Variants in RELL2 observed in about 807,000 individuals in gnomAD.
The protein encoded by RELL2 is RELT-like protein 2.
RELL2 carries 18 observed loss-of-function variants against 27.5 expected under a neutral mutation model. That is an observed-to-expected ratio of 0.65 (90% CI 0.45 to 0.97). The LOEUF (loss-of-function observed/expected upper bound fraction) is 0.97. Ranked by LOEUF, RELL2 falls within the 50% of genes least tolerant of loss-of-function variation. The pLI is 0.00. For synonymous variants in RELL2, 156 were observed against 147.5 expected (o/e 1.06, Z -0.42); for missense variants, 370 against 397.5 (o/e 0.93, Z 0.59).
In RELL2 at chr5:141,639,221, C is replaced by G. The variant is rs1227288746; in HGVS notation, c.317+200C>G. The G allele has an allele frequency of 1.1e-5, 7 of 617,794 alleles. No individual in the cohort carries two copies. Among genetic ancestry groups the G allele is most frequent in the Non-Finnish European group, 2.0e-5 (7 of 353,592 alleles). The allele number at this position is 617,794 out of a possible 1,614,324, so 38.3% of individuals were successfully genotyped here. A position where few individuals can be genotyped will look rare whatever the true frequency, so the allele number is the denominator to read the frequency against. ...CTCATCTAGATATCATCAAGCCTAA[C>G]ATTCACCTCTAGTGCCACTCCTTTG... is the stretch of plus-strand genomic sequence containing the variant. On this transcript the variant is annotated intron_variant, in intron 3 of 6. Coordinates refer to ENST00000297164, the MANE Select transcript of RELL2 (RefSeq NM_173828.5). The surrounding 1 kb of genome is among the most constrained non-coding windows in gnomAD (Gnocchi z 4.4).
In RELL2 at chr5:141,640,921, G is replaced by A; in HGVS notation, c.*252G>A. 2 of 534,080 alleles carry A rather than the reference G, an allele frequency of 3.7e-6. No individual in the cohort carries two copies. The highest frequency in any genetic ancestry group is 6.6e-6 in the Non-Finnish European group (2 of 302,702). 33.1% of individuals were successfully genotyped at this position (534,080 alleles called of 1,614,324 possible). On this transcript the variant is annotated 3_prime_UTR_variant, in exon 7 of 7. Coordinates refer to ENST00000297164, the MANE Select transcript of RELL2 (RefSeq NM_173828.5). ...ACCTCGCTCCATATGATAGAGCGTG[G>A]CAGCTGGGAGCAGGCCCCTGCCCGT...
In RELL2 at chr5:141,639,497, C is replaced by T; in HGVS notation, c.351C>T (p.Ala117=). The T allele has an allele frequency of 6.2e-7, 1 of 1,613,876 alleles. No individual in the cohort carries two copies. The change falls in exon 4 of 7, where the codon GCC becomes GCT. Residue 117 remains alanine, a synonymous_variant. Coordinates refer to ENST00000297164, the MANE Select transcript of RELL2 (RefSeq NM_173828.5). This position sits in a 1 kb window ranked among gnomAD's most constrained non-coding sequence, Gnocchi z 4.4. ...CCACCTCCAGCCTGCAGGACGGAGC[C>T]CCCTCCCATCATCACACAGTGCACC... ...VDATSSLQDG[A]PSHHHTVHLG...
In RELL2 at chr5:141,638,360, C is replaced by A; in HGVS notation, c.135C>A (p.Arg45=). The A allele has an allele frequency of 6.2e-7, 1 of 1,613,832 alleles. No individual in the cohort carries two copies. The highest frequency in any genetic ancestry group is 8.5e-7 in the Non-Finnish European group (1 of 1,179,998). The stretch of plus-strand genomic sequence containing the variant: ...ACGTGCTCAAGAAGAAGGGCTACCG[C>A]TGCCGCACGTCGAGGGGCTCTGAGC... The part of the protein sequence containing the change: ...ICHVLKKKGY[R]CRTSRGSEPD... Residue 45 remains arginine, a synonymous_variant, in exon 1 of 7, where the codon CGC becomes CGA. Transcript: ENST00000297164.
rs1184944876 is a variant in RELL2, at chr5:141,637,670, G to GGCCCTGAGCCGCACTAGGAC, written c.-551_-532dup. On this transcript the variant is annotated 5_prime_UTR_variant, in exon 1 of 7. It introduces an in-frame stop codon into an upstream open reading frame of the 5' UTR. Transcript: ENST00000297164. ...GGATGAGCGCCGGAAGGGCGTCGGG[G>GGCCCTGAGCCGCACTAGGAC]GCCCTGAGCCGCACTAGGACGCCCC... 1 of 152,904 alleles carries GGCCCTGAGCCGCACTAGGAC rather than the reference G, an allele frequency of 6.5e-6. No individual in the cohort carries two copies. The highest frequency in any genetic ancestry group is 1.5e-5 in the Non-Finnish European group (1 of 68,254). The allele number at this position is 152,904 out of a possible 1,614,324, so 9.5% of individuals were successfully genotyped here.
In RELL2 at chr5:141,639,878, C is replaced by CT. The variant is rs2099906633; in HGVS notation, c.504-41dup. The CT allele has an allele frequency of 2.5e-6, 4 of 1,606,476 alleles. No individual in the cohort carries two copies. In the East Asian group the frequency reaches 8.9e-5, roughly 36 times the overall value. Reference sequence around the variant, plus strand: ...GTCAGAGGGGAGGGCCAAGCAGCCTCTGAGTTGTGGTCCTAAACCCCAGTG... The same window carrying CT: ...GTCAGAGGGGAGGGCCAAGCAGCCTCTTGAGTTGTGGTCCTAAACCCCAGTG... On this transcript the variant is annotated intron_variant, in intron 4 of 6. Transcript: ENST00000297164. The surrounding 1 kb of genome is among the most constrained non-coding windows in gnomAD (Gnocchi z 4.4).
chr5:141,639,136 T>C lies in RELL2; in HGVS notation c.317+115T>C, dbSNP rs988556329. 3.5e-6 allele frequency: 3 copies of C among 867,230 alleles called. No individual in the cohort carries two copies. Among genetic ancestry groups the C allele is most frequent in the Non-Finnish European group, 5.3e-6 (3 of 563,938 alleles). The allele number at this position is 867,230 out of a possible 1,614,324, so 53.7% of individuals were successfully genotyped here. ...TATGGGGTTGGGGGAAGGGCAAAGC[T>C]GGCTAACTTATAGGAAGAAAGTTGT... On this transcript the variant is annotated intron_variant, in intron 3 of 6. Transcript: ENST00000297164. This position sits in a 1 kb window ranked among gnomAD's most constrained non-coding sequence, Gnocchi z 4.4.
In RELL2 at chr5:141,640,742, C is replaced by A; in HGVS notation, c.*73C>A. On this transcript the variant is annotated 3_prime_UTR_variant, in exon 7 of 7. Transcript: ENST00000297164. ...TGGGTGGGCGTGAAAGCCCTCCCCT[C>A]CACTGGACAGCACTGCCCCCCAGCT... The A allele has an allele frequency of 7.1e-7, 1 of 1,414,862 alleles. No homozygotes were observed. Among genetic ancestry groups the A allele is most frequent in the Non-Finnish European group, 9.6e-7 (1 of 1,044,836 alleles). 87.6% of individuals were successfully genotyped at this position (1,414,862 alleles called of 1,614,324 possible).
In RELL2 at chr5:141,638,802, C is replaced by T. The variant is rs753037580; in HGVS notation, c.192C>T (p.Asp64=). Residue 64 remains aspartate (D), a synonymous_variant, in exon 2 of 7, where the codon GAC becomes GAT. Transcript: ENST00000297164. ...ATCTCTTTCATCCTTCAGCTGAGGA[C>T]GATGACATGAATGAGGACACAGTAG... is the stretch of plus-strand genomic sequence containing the variant. ...PDDAQLQPPE[D]DDMNEDTVER... 12 of 1,613,896 alleles carry T rather than the reference C, an allele frequency of 7.4e-6. No individual in the cohort carries two copies. The East Asian group carries it at 8.9e-5, about 12-fold the overall frequency.
intron 6 of RELL2, 70 bp from the exon 7 acceptor site, chr5:141,640,601 G>A (rs139324945): frequency 0.017 from 25,988 of 1,542,518 alleles, 327 homozygotes; most frequent in Non-Finnish European, 0.018. Flanking sequence ...GGAAGGTCCT[G>A]GAGCCCCAGG....
At position 141,640,259 on chromosome 5, in the gene RELL2, T is replaced by G. The variant is rs748779251; in HGVS notation, c.843T>G (p.Asn281Lys). 4 of 1,613,964 alleles carry G rather than the reference T, an allele frequency of 2.5e-6. No homozygotes were observed. In the South Asian group the frequency reaches 3.3e-5, roughly 13 times the overall value. ...PSPGLPTQEA[N>K]GQPSKPDTSD... Reference sequence around the variant, plus strand: ...CAGGGCTGCCCACTCAAGAGGCAAATGGGCAGCCAAGCAAACCAGACACTT... The same window carrying G: ...CAGGGCTGCCCACTCAAGAGGCAAAGGGGCAGCCAAGCAAACCAGACACTT... Residue 281 changes from asparagine to lysine, a missense_variant, in exon 5 of 7, where the codon AAT (asparagine) becomes AAG (lysine). Physicochemically the swap from Asn to Lys is moderately conservative, Grantham distance 94. Coordinates refer to ENST00000297164, the MANE Select transcript of RELL2 (RefSeq NM_173828.5).
chr5:141,639,529 C>T lies in RELL2; in HGVS notation c.383C>T (p.Ser128Phe). The T allele has an allele frequency of 6.2e-7, 1 of 1,613,974 alleles. No homozygotes were observed. Among genetic ancestry groups the T allele is most frequent in the Non-Finnish European group, 8.5e-7 (1 of 1,179,934 alleles). Residue 128 changes from serine (S) to phenylalanine (F), a missense_variant, in exon 4 of 7, where the codon TCT (serine) becomes TTT (phenylalanine). Transcript: ENST00000297164. This position sits in a 1 kb window ranked among gnomAD's most constrained non-coding sequence, Gnocchi z 4.4. Reference sequence around the variant, plus strand: ...CATCATCACACAGTGCACCTGGGCTCTGCAGCCCCTTGCCTCCATTGCAGC... The same window carrying T: ...CATCATCACACAGTGCACCTGGGCTTTGCAGCCCCTTGCCTCCATTGCAGC... Reference protein sequence around the residue: ...PSHHHTVHLGSAAPCLHCSRS... With the variant: ...PSHHHTVHLGFAAPCLHCSRS...
At position 141,638,293 on chromosome 5, in the gene RELL2, TG is replaced by T; in HGVS notation, c.70del (p.Val24SerfsTer8). Reference sequence around the variant, plus strand: ...CTATATATGCTCTTCCTGCTTGTGCTGGTCTTCTTCCTCATGGGCCTGGTAG... The same window carrying T: ...CTATATATGCTCTTCCTGCTTGTGCTGTCTTCTTCCTCATGGGCCTGGTAG... The part of the protein sequence containing the change: ...HGLYMLFLLV[L>X]VFFLMGLVGF... On this transcript the variant is annotated frameshift_variant, in exon 1 of 7. Transcript: ENST00000297164. LOFTEE classifies it high-confidence loss of function. The T allele has an allele frequency of 6.2e-7, 1 of 1,614,082 alleles. No homozygotes were observed. The highest frequency in any genetic ancestry group is 8.5e-7 in the Non-Finnish European group (1 of 1,180,000).
In RELL2 at chr5:141,638,061, G is replaced by A. The variant is rs1596451419; in HGVS notation, c.-165G>A. ...AAAGGCGAAACAGCACTCCTGGCCC[G>A]GACAGCTCCCTGGTTGGGTAGGGGG... On this transcript the variant is annotated 5_prime_UTR_variant, in exon 1 of 7. Transcript: ENST00000297164. The A allele has an allele frequency of 1.6e-6, 1 of 610,792 alleles. No homozygotes were observed. The highest frequency in any genetic ancestry group is 2.9e-6 in the Non-Finnish European group (1 of 343,516). 37.8% of individuals were successfully genotyped at this position (610,792 alleles called of 1,614,324 possible).
chr5:141,638,109 G>A lies in RELL2; in HGVS notation c.-117G>A, dbSNP rs1596451542. 1 of 702,364 alleles carries A rather than the reference G, an allele frequency of 1.4e-6. No individual in the cohort carries two copies. Among genetic ancestry groups the A allele is most frequent in the East Asian group, 2.5e-5 (1 of 40,004 alleles). 43.5% of individuals were successfully genotyped at this position (702,364 alleles called of 1,614,324 possible). A position where few individuals can be genotyped will look rare whatever the true frequency, so the allele number is the denominator to read the frequency against. On this transcript the variant is annotated 5_prime_UTR_variant, in exon 1 of 7. Transcript: ENST00000297164. ...GGGTGGGGCCGGACCTCAGCCGGAC[G>A]TCTTAGACGTGCTTGTTTCAGATCC... is the stretch of plus-strand genomic sequence containing the variant.
intron 5 of RELL2, 47 bp from the exon 6 acceptor site, chr5:141,640,365 G>A (rs778773771): frequency 4.3e-6 from 7 of 1,613,990 alleles, no homozygotes; most frequent in Non-Finnish European, 5.9e-6. Flanking sequence ...GGCACTGATA[G>A]GACCTACTCC....
At position 141,639,024 on chromosome 5, in the gene RELL2, G is replaced by A. The variant is rs138513971; in HGVS notation, c.317+3G>A. On this transcript the variant is annotated splice_donor_region_variant and intron_variant, in intron 3 of 6. Transcript: ENST00000297164. This position sits in a 1 kb window ranked among gnomAD's most constrained non-coding sequence, Gnocchi z 4.4. ...GAAGGGACAGTGCAGCTGTCCAGGT[G>A]AGCTGGAAACAAGGGCCAGCATGAC... 5.2e-4 allele frequency: 831 copies of A among 1,613,130 alleles called. 3 individuals are homozygous for A. The highest frequency in any genetic ancestry group is 1.4e-3 in the South Asian group (131 of 90,988).
chr5:141,638,860 G>A lies in RELL2; in HGVS notation c.250G>A (p.Ala84Thr), dbSNP rs955552543. ...RIVRCIIQNE[A>T]NAEALKEMLG... ...TGTTCGCTGCATCATCCAGAATGAA[G>A]GTGGGTCTAGCATAGCCCCTTGCTC... The change falls in exon 2 of 7, where the codon GCC becomes ACC. Residue 84 changes from alanine (A) to threonine (T), a missense_variant and splice_region_variant. Coordinates refer to ENST00000297164, the MANE Select transcript of RELL2 (RefSeq NM_173828.5). 2.5e-6 allele frequency: 4 copies of A among 1,613,904 alleles called. No individual in the cohort carries two copies. In the African/African-American group the frequency reaches 4.0e-5, roughly 16 times the overall value.
chr5:141,639,945 C>T lies in RELL2; in HGVS notation c.529C>T (p.Arg177Cys), dbSNP rs780121313. Residue 177 changes from arginine (R) to cysteine (C), a missense_variant, in exon 5 of 7, where the codon CGC becomes TGC. Coordinates refer to ENST00000297164, the MANE Select transcript of RELL2 (RefSeq NM_173828.5). This position sits in a 1 kb window ranked among gnomAD's most constrained non-coding sequence, Gnocchi z 4.4. Reference protein sequence around the residue: ...GRFRVTHIEKRYGLHEHRDGS... With the variant: ...GRFRVTHIEKCYGLHEHRDGS... ...GTTCCGGGTGACACACATTGAGAAG[C>T]GCTATGGACTGCACGAACACCGTGA... 1.1e-5 allele frequency: 18 copies of T among 1,614,004 alleles called. No individual in the cohort carries two copies. Among genetic ancestry groups the T allele is most frequent in the South Asian group, 8.8e-5 (8 of 91,082 alleles).
chr5:141,640,228 C>G lies in RELL2; in HGVS notation c.812C>G (p.Pro271Arg), dbSNP rs200320253. ...ACACTGAGGGCCGGAGGGAGGGGCC[C>G]AAGCCCAGGGCTGCCCACTCAAGAG... The part of the protein sequence containing the change: ...EPTLRAGGRG[P>R]SPGLPTQEAN... Residue 271 changes from proline (P) to arginine (R), a missense_variant, in exon 5 of 7, where the codon CCA (proline) becomes CGA (arginine). Physicochemically the swap from Pro to Arg is moderately radical, Grantham distance 103 (BLOSUM62 -2). Coordinates refer to ENST00000297164, the MANE Select transcript of RELL2 (RefSeq NM_173828.5). 10 of 1,614,034 alleles carry G rather than the reference C, an allele frequency of 6.2e-6. No individual in the cohort carries two copies. Among genetic ancestry groups the G allele is most frequent in the Non-Finnish European group, 6.8e-6 (8 of 1,180,002 alleles).
Sources: allele counts gnomAD v4.1 joint callset, GRCh38; gene constraint gnomAD v4.1.1; non-coding constraint Gnocchi (gnomAD v3.1); transcripts MANE v1.5; gene names NCBI Gene and HGNC (gene_info 2026-07-23, HGNC 2026-07-21).